MAGI3: variants seen among roughly 807,000 people sequenced by gnomAD.
MAGI3 encodes the protein membrane associated guanylate kinase, WW and PDZ domain containing 3, also known as membrane-associated guanylate kinase, WW and PDZ domain-containing protein 3.
In MAGI3, 43 loss-of-function variants were observed where a neutral mutation model predicts 121.8. That is an observed-to-expected ratio of 0.35 (90% CI 0.28 to 0.46). The LOEUF (loss-of-function observed/expected upper bound fraction) is 0.46, where lower values mean the gene tolerates loss of function less well. MAGI3 is among the 20% of genes least tolerant of loss of function. The pLI is 1.00. For synonymous variants in MAGI3, 553 were observed against 639.3 expected (o/e 0.86, Z 2.04); for missense variants, 1,547 against 1,797.3 (o/e 0.86, Z 2.52).
intron 1 of MAGI3, among the ~76,000 whole-genome samples, chr1:113,439,911 G>A (rs1483945582): frequency 6.6e-6 from 1 of 150,522 alleles, no homozygotes; most frequent in Non-Finnish European, 1.5e-5. Context: ...TGACTCTACG[G>A]TCTCCGGTTA....
At chr1:113,680,674 G>A (rs1230653) in intron 19 of MAGI3, among the ~76,000 whole-genome samples, 1,854 of 152,124 alleles carry the variant, frequency 0.012, 48 homozygotes, top group African/African-American at 0.043. Flanking sequence ...GTAGAATGGC[G>A]TGAACCCAGG....
At chr1:113,477,217 C>T (rs1053960369) in intron 1 of MAGI3, among the ~76,000 whole-genome samples, 38 of 152,082 alleles carry the variant, frequency 2.5e-4, no homozygotes, top group Non-Finnish European at 4.9e-4. Context: ...GGGCATTTAG[C>T]CCATTTACAT....
chr1:113,459,645 ATCTT>A, intron 1 of MAGI3, among the ~76,000 whole-genome samples: 1 of 152,338 alleles, frequency 6.6e-6, no homozygotes, highest in Middle Eastern at 3.4e-3. Flanking sequence ...ACTGTGAAAT[ATCTT>A]TCTTTGTCAG....
chr1:113,629,067 G>A (rs1651425863), intron 9 of MAGI3, among the ~76,000 whole-genome samples: 1 of 151,796 alleles, frequency 6.6e-6, no homozygotes, highest in Admixed American at 6.6e-5. Flanking sequence ...CCCTTTTGAG[G>A]CTGTTTTCTA....
chr1:113,483,700 A>T (rs373748220), intron 1 of MAGI3, among the ~76,000 whole-genome samples: 2 of 152,340 alleles, frequency 1.3e-5, no homozygotes, highest in Admixed American at 6.5e-5. Flanking sequence ...AAAAGATCTA[A>T]AGGTATGAAA....
intron 12 of MAGI3, among the ~76,000 whole-genome samples, chr1:113,648,199 C>G (rs1570996722): frequency 6.6e-6 from 1 of 152,066 alleles, no homozygotes; most frequent in Admixed American, 6.6e-5. Flanking sequence ...CTCTTTTAAT[C>G]TCTAAAGTTC....
chr1:113,631,585 GA>G (rs1651636697), intron 9 of MAGI3, among the ~76,000 whole-genome samples: 2 of 152,112 alleles, frequency 1.3e-5, no homozygotes, highest in Admixed American at 6.5e-5. Flanking sequence ...AATCATCTCA[GA>G]AAAATATTTG....
At chr1:113,587,943 A>G (rs530959769) in intron 4 of MAGI3, among the ~76,000 whole-genome samples, 24 of 152,318 alleles carry the variant, frequency 1.6e-4, no homozygotes, top group African/African-American at 5.3e-4. Context: ...TATTTATTCA[A>G]CAAATATGTA....
chr1:113,466,119 G>A (rs1016728103), intron 1 of MAGI3, among the ~76,000 whole-genome samples: 2 of 152,066 alleles, frequency 1.3e-5, no homozygotes, highest in African/African-American at 4.8e-5. Flanking sequence ...TGAGTGCAGT[G>A]TTAGCTGGGA....
At chr1:113,463,949 C>G (rs1270507826) in intron 1 of MAGI3, among the ~76,000 whole-genome samples, 1 of 152,122 alleles carries the variant, frequency 6.6e-6, no homozygotes, top group Non-Finnish European at 1.5e-5. Flanking sequence ...GAGATCAAAT[C>G]AGTGTTCTTG....
At chr1:113,680,657 T>A (rs1005862853) in intron 19 of MAGI3, among the ~76,000 whole-genome samples, 3 of 152,002 alleles carry the variant, frequency 2.0e-5, no homozygotes, top group African/African-American at 7.2e-5. Flanking sequence ...CTCGGGAGGC[T>A]GAGGTAGTAG....
intron 1 of MAGI3, among the ~76,000 whole-genome samples, chr1:113,428,334 A>G (rs1197521293): frequency 1.3e-5 from 2 of 152,168 alleles, no homozygotes; most frequent in African/African-American, 4.8e-5. Context: ...AGGGCTCAAG[A>G]TTCATTTTTT....
At chr1:113,485,912 G>A (rs1220837963) in intron 1 of MAGI3, among the ~76,000 whole-genome samples, 1 of 152,154 alleles carries the variant, frequency 6.6e-6, no homozygotes, top group Non-Finnish European at 1.5e-5. Flanking sequence ...ACTATTTGTT[G>A]AATAGGGTGT....
intron 1 of MAGI3, among the ~76,000 whole-genome samples, chr1:113,473,137 T>C (rs1655625473): frequency 6.6e-6 from 1 of 152,192 alleles, no homozygotes; most frequent in South Asian, 2.1e-4. Context: ...GGTTCAGTGA[T>C]TACAAACTCC....
chr1:113,509,259 A>C (rs1657494437), intron 1 of MAGI3, among the ~76,000 whole-genome samples: 1 of 152,022 alleles, frequency 6.6e-6, no homozygotes, highest in South Asian at 2.1e-4. Flanking sequence ...ATGACTCCGT[A>C]GTTATTTTTA....
At position 113,507,632 on chromosome 1, in the gene MAGI3, GATA is replaced by G. The variant is rs572009913; in HGVS notation, c.317-41880_317-41878del. On this transcript the variant is annotated intron_variant, in intron 1 of 20. Coordinates refer to ENST00000307546, the MANE Select transcript of MAGI3 (RefSeq NM_001142782.2). ...GAAGTTACACAAAAATCTTTCAACA[GATA>G]ATGTCTTGATTTTTGATTGACAGAA... is the stretch of plus-strand genomic sequence containing the variant. 1.2e-3 allele frequency among the ~76,000 whole-genome samples: 185 copies of G among 152,210 alleles called. 1 individual carries two copies. The highest frequency in any genetic ancestry group is 4.2e-3 in the African/African-American group (176 of 41,536).
intron 1 of MAGI3, among the ~76,000 whole-genome samples, chr1:113,419,729 C>T (rs1449191216): frequency 6.6e-6 from 1 of 152,248 alleles, no homozygotes; most frequent in African/African-American, 2.4e-5. Flanking sequence ...AACAGATTCC[C>T]ACAAATTCAA....
chr1:113,647,499 TAAAAAG>T (rs1228954780), intron 12 of MAGI3, among the ~76,000 whole-genome samples: 1 of 152,138 alleles, frequency 6.6e-6, no homozygotes, highest in African/African-American at 2.4e-5. Flanking sequence ...AGCTGAGAGA[TAAAAAG>T]AGAGACTGCA....
intron 19 of MAGI3, among the ~76,000 whole-genome samples, chr1:113,680,762 GCAAAA>G (rs979427838): frequency 3.3e-5 from 5 of 151,760 alleles, no homozygotes; most frequent in African/African-American, 1.2e-4. Context: ...GTCTCAAAAA[GCAAAA>G]CAAAACAAAC....
Sources: gnomAD v4.1 joint callset for allele counts (sites outside exome capture counted in the v4.1 genomes callset) on GRCh38, gnomAD v4.1.1 for gene constraint, MANE v1.5 for transcripts, NCBI Gene and HGNC (gene_info 2026-07-23, HGNC 2026-07-21) for gene names.